POLD4: variants seen among roughly 807,000 people sequenced by gnomAD.
POLD4 encodes DNA polymerase delta 4, accessory subunit, also known as DNA polymerase delta subunit 4.
A neutral mutation model predicts 16.5 loss-of-function variants in POLD4; 9 were observed. The ratio of observed to expected loss-of-function variants is 0.55; its 90% CI spans 0.33 to 0.95. The LOEUF (loss-of-function observed/expected upper bound fraction) is 0.95. POLD4 is among the 40% of genes least tolerant of loss of function. The probability of loss-of-function intolerance (pLI) is 0.03; values close to 1 mark genes in which losing one functional copy is unlikely to be tolerated. For missense variants in POLD4, 129 were observed against 139.7 expected, an observed-to-expected ratio of 0.92 and a Z score of 0.39; for synonymous variants, 62 against 57.6, an observed-to-expected ratio of 1.08 and a Z score of -0.35.
rs1374694223 is a variant in POLD4, at chr11:67,353,302, C to A, written c.97+1G>T. ...TCCTGCCTCCCTCACACCTCAGAGA[C>A]CTAGCTCGGGTGCCAGCTCCCCCTT... On this transcript the variant is annotated splice_donor_variant, in intron 1 of 3. Coordinates refer to ENST00000312419, the MANE Select transcript of POLD4 (RefSeq NM_021173.5). LOFTEE classifies it high-confidence loss of function. The A allele has an allele frequency of 6.2e-7, 1 of 1,610,864 alleles. No individual in the cohort carries two copies. The highest frequency in any genetic ancestry group is 1.3e-5 in the African/African-American group (1 of 74,936).
chr11:67,353,594 A>C (rs976723273), upstream of POLD4: 2 of 579,234 alleles, frequency 3.5e-6, no homozygotes, highest in South Asian at 2.1e-5. Flanking sequence ...CCCCAAAAGC[A>C]CGCAAACAGG....
intron 2 of POLD4, 68 bp from the exon 3 acceptor site, chr11:67,352,870 G>T: frequency 1.4e-6 from 2 of 1,393,204 alleles, no homozygotes; most frequent in Middle Eastern, 1.8e-4. Flanking sequence ...TGGAGAATGT[G>T]TGTGTTGGGG....
chr11:67,352,191 C>G, intron 3 of POLD4, 172 bp from the exon 4 acceptor site: 2 of 593,624 alleles, frequency 3.4e-6, no homozygotes, highest in South Asian at 3.9e-5. Flanking sequence ...CTGGGTGTAC[C>G]TTTGCCCCCC....
rs755797510 is a variant in POLD4 at position 67,352,782 on chromosome 11, A to C, written c.208T>G (p.Trp70Gly). The C allele has an allele frequency of 6.2e-7, 1 of 1,609,306 alleles. No homozygotes were observed. The highest frequency in any genetic ancestry group is 8.5e-7 in the Non-Finnish European group (1 of 1,177,522). ...AAGCCCATCTGCTTGGCCCGACACC[A>C]GCGCTGCAGCCGTGTGATCCCTGCC... ...PCTGITRLQRWCRAKQMGLEP... is the reference protein window; with the variant it reads ...PCTGITRLQRGCRAKQMGLEP... Residue 70 changes from tryptophan to glycine, a missense_variant, in exon 3 of 4, where the codon TGG (tryptophan) becomes GGG (glycine). By Grantham distance (184) the Trp-to-Gly change is radical. Coordinates refer to ENST00000312419, the MANE Select transcript of POLD4 (RefSeq NM_021173.5).
rs1217726484 is a variant in POLD4, at chr11:67,351,984, T to TA, written c.*10dup. ...CAAGAGAGCTAAGGGCAGGAGGTCT[T>TA]ACGTGGTGCCTCATAGGGGATAGAG... On this transcript the variant is annotated 3_prime_UTR_variant, in exon 4 of 4. Coordinates refer to ENST00000312419, the MANE Select transcript of POLD4 (RefSeq NM_021173.5). The surrounding 1 kb of genome is among the most constrained non-coding windows in gnomAD (Gnocchi z 4.8). The TA allele has an allele frequency of 6.6e-7, 1 of 1,515,912 alleles. No homozygotes were observed. The highest frequency in any genetic ancestry group is 1.4e-5 in the African/African-American group (1 of 69,338). 93.9% of individuals were successfully genotyped at this position (1,515,912 alleles called of 1,614,324 possible).
At chr11:67,352,303 G>T (rs1363717222) in intron 3 of POLD4, 3 of 398,088 alleles carry the variant, frequency 7.5e-6, no homozygotes, top group African/African-American at 4.1e-5. Flanking sequence ...GAGGTCAGGA[G>T]ATCAAGACCA....
chr11:67,352,520 AATT>A (rs949338011), intron 3 of POLD4, 168 bp downstream of exon 3: 6 of 559,582 alleles, frequency 1.1e-5, no homozygotes, highest in Admixed American at 6.6e-5. Flanking sequence ...AAAAAAAAAG[AATT>A]ATTATAGTGG....
chr11:67,352,204 T>A, intron 3 of POLD4, 185 bp from the exon 4 acceptor site: 1 of 569,604 alleles, frequency 1.8e-6, no homozygotes, highest in Non-Finnish European at 3.1e-6. Context: ...TGCCCCCCAC[T>A]AGCTTGTAGA....
intron 3 of POLD4, chr11:67,352,256 TC>T: frequency 2.1e-6 from 1 of 469,200 alleles, no homozygotes. Context: ...ACGCCTGTAA[TC>T]CCAGCACTTT....
intron 1 of POLD4, 74 bp downstream of exon 1, chr11:67,353,229 C>T (rs560690127): frequency 1.3e-4 from 209 of 1,560,946 alleles, no homozygotes; most frequent in Non-Finnish European, 1.7e-4. Flanking sequence ...TTCCATCGGC[C>T]CCTCCGCCCC....
chr11:67,352,784 C>T lies in POLD4; in HGVS notation c.206G>A (p.Arg69His), dbSNP rs1410600344. ...GPCTGITRLQRWCRAKQMGLE... is the reference protein window; with the variant it reads ...GPCTGITRLQHWCRAKQMGLE... ...GCCCATCTGCTTGGCCCGACACCAG[C>T]GCTGCAGCCGTGTGATCCCTGCCAG... Residue 69 changes from arginine (R) to histidine (H), a missense_variant, in exon 3 of 4, where the codon CGC becomes CAC. Coordinates refer to ENST00000312419, the MANE Select transcript of POLD4 (RefSeq NM_021173.5). 2 of 1,608,798 alleles carry T rather than the reference C, an allele frequency of 1.2e-6. No homozygotes were observed. Among genetic ancestry groups the T allele is most frequent in the Non-Finnish European group, 1.7e-6 (2 of 1,177,020 alleles).
Position 67,353,211 on chromosome 11 carries a change from C to T in POLD4, c.97+92G>A, listed in dbSNP as rs973321580. On this transcript the variant is annotated intron_variant, in intron 1 of 3. Coordinates refer to ENST00000312419, the MANE Select transcript of POLD4 (RefSeq NM_021173.5). ...GTGTCGGGAGGGGAGGACAGGCCAC[C>T]TTTCCCTTTCCATCGGCCCCTCCGC... The T allele has an allele frequency of 2.6e-6, 4 of 1,536,730 alleles. No individual in the cohort carries two copies. The East Asian group carries it at 6.8e-5, about 26-fold the overall frequency.
In POLD4 at chr11:67,353,324, C is replaced by A. The variant is rs150889244; in HGVS notation, c.76G>T (p.Gly26Trp). The A allele has an allele frequency of 3.7e-6, 6 of 1,612,232 alleles. No individual in the cohort carries two copies. The African/African-American group carries it at 6.7e-5, about 18-fold the overall frequency. ...AGACCTAGCTCGGGTGCCAGCTCCC[C>A]CTTGCTGTGCCCAGCGGGCCCCTCC... ...RREGPAGHSK[G>W]ELAPELGEEP... The change falls in exon 1 of 4, where the codon GGG becomes TGG. Residue 26 changes from glycine to tryptophan, a missense_variant. Physicochemically the swap from Gly to Trp is radical, Grantham distance 184 (BLOSUM62 -2). Coordinates refer to ENST00000312419, the MANE Select transcript of POLD4 (RefSeq NM_021173.5).
In POLD4 at chr11:67,352,483, C is replaced by T. The variant is rs1193915486; in HGVS notation, c.299+208G>A. ...CGAGATCGCGCCACTGCACTCCAGC[C>T]TGGGCAACAGAGCAAGACTCTGTCT... On this transcript the variant is annotated intron_variant, in intron 3 of 3. Transcript: ENST00000312419. 3 of 501,276 alleles carry T rather than the reference C, an allele frequency of 6.0e-6. No homozygotes were observed. The East Asian group carries it at 1.0e-4, about 17-fold the overall frequency. 31.1% of individuals were successfully genotyped at this position (501,276 alleles called of 1,614,324 possible). A position where few individuals can be genotyped will look rare whatever the true frequency, so the allele number is the denominator to read the frequency against.
At position 67,353,320 on chromosome 11, in the gene POLD4, TC is replaced by T. The variant is rs2134852104; in HGVS notation, c.79del (p.Glu27SerfsTer6). ...TCAGAGACCTAGCTCGGGTGCCAGC[TC>T]CCCCTTGCTGTGCCCAGCGGGCCCC... ...REGPAGHSKGELAPELGEEPQ... is the reference protein window; with the variant it reads ...REGPAGHSKGXLAPELGEEPQ... On this transcript the variant is annotated frameshift_variant, in exon 1 of 4. Coordinates refer to ENST00000312419, the MANE Select transcript of POLD4 (RefSeq NM_021173.5). LOFTEE classifies it high-confidence loss of function. The T allele has an allele frequency of 6.2e-7, 1 of 1,611,656 alleles. No individual in the cohort carries two copies.
intron 3 of POLD4, 119 bp downstream of exon 3, chr11:67,352,572 G>GC: frequency 1.5e-6 from 1 of 682,386 alleles, no homozygotes; most frequent in Admixed American, 2.8e-5. Context: ...GAATCTTCTT[G>GC]CCTGTTCAGC....
At chr11:67,352,047 A>T in intron 3 of POLD4, 28 bp from the exon 4 acceptor site, 1 of 1,190,276 alleles carries the variant, frequency 8.4e-7, no homozygotes, top group South Asian at 1.3e-5. Flanking sequence ...GGAGGGAGGG[A>T]TACCCCAGAG....
At chr11:67,353,124 G>A (rs1432671208) in intron 1 of POLD4, 47 bp from the exon 2 acceptor site, 2 of 1,532,752 alleles carry the variant, frequency 1.3e-6, no homozygotes, top group East Asian at 4.9e-5. Flanking sequence ...TCAGTCTCCT[G>A]CCCCTCACCT....
chr11:67,352,662 C>A (rs1198748197), intron 3 of POLD4, 29 bp downstream of exon 3: 3 of 1,581,612 alleles, frequency 1.9e-6, no homozygotes, highest in Non-Finnish European at 2.6e-6. Context: ...CCCTGGCTCC[C>A]CTGAAAGCCC....
Sources: gnomAD v4.1 joint callset for allele counts on GRCh38, gnomAD v4.1.1 for gene constraint, Gnocchi (gnomAD v3.1) non-coding constraint, MANE v1.5 for transcripts, NCBI Gene and HGNC (gene_info 2026-07-23, HGNC 2026-07-21) for gene names.